Variants in PLXNC1 observed in about 807,000 individuals in gnomAD.
PLXNC1 encodes plexin C1, also known as plexin-C1.
A neutral mutation model predicts 178.2 loss-of-function variants in PLXNC1; 75 were observed. The ratio of observed to expected loss-of-function variants is 0.42; its 90% CI spans 0.35 to 0.51. The LOEUF (loss-of-function observed/expected upper bound fraction) is 0.51, where lower values mean the gene tolerates loss of function less well. Among genes scored for constraint, PLXNC1 ranks in the 20% least tolerant of loss-of-function variants. The pLI is 0.02. For missense variants in PLXNC1, 1,503 were observed against 1,984.4 expected, an observed-to-expected ratio of 0.76 and a Z score of 4.61; for synonymous variants, 790 against 779.9, an observed-to-expected ratio of 1.01 and a Z score of -0.22.
At chr12:94,153,025 C>T (rs529526039) in intron 1 of PLXNC1, among the ~76,000 whole-genome samples, 42 of 152,360 alleles carry the variant, frequency 2.8e-4, no homozygotes, top group Non-Finnish European at 4.1e-4. Flanking sequence ...TTTCTGTAGA[C>T]CCTCTCTCTA....
chr12:94,288,505 C>A (rs1331896710), intron 23 of PLXNC1, among the ~76,000 whole-genome samples: 3 of 152,192 alleles, frequency 2.0e-5, no homozygotes, highest in Non-Finnish European at 4.4e-5. Flanking sequence ...TTCAAGTAAA[C>A]AAGAGAGAAG....
intron 2 of PLXNC1, among the ~76,000 whole-genome samples, chr12:94,177,502 A>G (rs1962140294): frequency 6.6e-6 from 1 of 150,678 alleles, no homozygotes; most frequent in Non-Finnish European, 1.5e-5. Flanking sequence ...AGAAAGAAAA[A>G]CAAAGAAAGA....
chr12:94,190,851 A>G (rs2135974776), intron 4 of PLXNC1, among the ~76,000 whole-genome samples: 1 of 152,326 alleles, frequency 6.6e-6, no homozygotes, highest in South Asian at 2.1e-4. Context: ...CTGTTTCCTC[A>G]GTCTAGTACA....
At chr12:94,171,401 A>T (rs942371567) in intron 2 of PLXNC1, among the ~76,000 whole-genome samples, 1 of 152,176 alleles carries the variant, frequency 6.6e-6, no homozygotes, top group African/African-American at 2.4e-5. Flanking sequence ...TGCTTCCTAG[A>T]TGCCAAGGGA....
At chr12:94,274,736 C>G (rs1965812123) in intron 21 of PLXNC1, among the ~76,000 whole-genome samples, 1 of 152,208 alleles carries the variant, frequency 6.6e-6, no homozygotes, top group Non-Finnish European at 1.5e-5. Context: ...GGCAGGATCA[C>G]CGAGTGTTTA....
At chr12:94,263,571 C>G (rs1965063422) in intron 20 of PLXNC1, among the ~76,000 whole-genome samples, 1 of 151,856 alleles carries the variant, frequency 6.6e-6, no homozygotes, top group Non-Finnish European at 1.5e-5. Flanking sequence ...CTGATCTGTG[C>G]TGGAGGAAAA....
At chr12:94,277,775 T>C (rs1966087106) in intron 21 of PLXNC1, 1 of 363,408 alleles carries the variant, frequency 2.8e-6, no homozygotes, top group Admixed American at 3.6e-5. Context: ...ACAGGTTTTA[T>C]TGCCGATACT....
At chr12:94,156,425 A>G (rs1592716728) in intron 1 of PLXNC1, among the ~76,000 whole-genome samples, 1 of 142,984 alleles carries the variant, frequency 7.0e-6, no homozygotes, top group Admixed American at 7.0e-5. Flanking sequence ...TCAAACATCT[A>G]CTCCCTCCCA....
intron 5 of PLXNC1, among the ~76,000 whole-genome samples, chr12:94,218,219 A>G (rs964565129): frequency 1.3e-5 from 2 of 152,192 alleles, no homozygotes; most frequent in South Asian, 4.1e-4. Context: ...TTCCCTAAAG[A>G]TAATTGAACT....
Position 94,260,720 on chromosome 12 carries a change from C to T in PLXNC1, c.3330C>T (p.Thr1110=). 6.2e-7 allele frequency: 1 copy of T among 1,614,116 alleles called. No individual in the cohort carries two copies. Among genetic ancestry groups the T allele is most frequent in the South Asian group, 1.1e-5 (1 of 91,076 alleles). The part of the protein sequence containing the change: ...VYLTSILEVL[T]RDLMEQCSNM... ...TGACCAGCATCCTAGAGGTGCTGAC[C>T]AGGGACTTGATGGAACAGTGTAGTA... Residue 1110 remains threonine, a synonymous_variant, in exon 20 of 31, where the codon ACC becomes ACT. Coordinates refer to ENST00000258526, the MANE Select transcript of PLXNC1 (RefSeq NM_005761.3). This position sits in a 1 kb window ranked among gnomAD's most constrained non-coding sequence, Gnocchi z 4.4.
chr12:94,151,117 G>A (rs1960946717), intron 1 of PLXNC1, among the ~76,000 whole-genome samples: 1 of 152,168 alleles, frequency 6.6e-6, no homozygotes, highest in African/African-American at 2.4e-5. Flanking sequence ...TCAAAGCGCA[G>A]AAATTAACGG....
intron 20 of PLXNC1, among the ~76,000 whole-genome samples, chr12:94,263,620 G>C (rs891605784): frequency 6.6e-6 from 1 of 152,152 alleles, no homozygotes; most frequent in African/African-American, 2.4e-5. Context: ...TACTTGGGGT[G>C]GGGGAGGTGG....
At chr12:94,195,650 A>G (rs1047054503) in intron 4 of PLXNC1, among the ~76,000 whole-genome samples, 3 of 152,086 alleles carry the variant, frequency 2.0e-5, no homozygotes, top group African/African-American at 7.2e-5. Context: ...ATTTTTCTAC[A>G]TGTTTCTTCC....
At chr12:94,244,575 CT>C (rs1250255692) in intron 12 of PLXNC1, among the ~76,000 whole-genome samples, 6 of 152,186 alleles carry the variant, frequency 3.9e-5, no homozygotes, top group Non-Finnish European at 4.4e-5. Flanking sequence ...TGGTTTCCAC[CT>C]TTGCCCGATT....
At chr12:94,277,874 G>A (rs971083297) in intron 21 of PLXNC1, 19 of 451,464 alleles carry the variant, frequency 4.2e-5, no homozygotes, top group East Asian at 7.0e-5. Flanking sequence ...CTAGAAGGCC[G>A]GTACTGTTAT....
intron 4 of PLXNC1, among the ~76,000 whole-genome samples, chr12:94,195,338 C>G (rs1009240340): frequency 3.3e-5 from 5 of 152,118 alleles, no homozygotes; most frequent in African/African-American, 1.2e-4. Context: ...CGTCCTGAGT[C>G]AGTTACTTGG....
chr12:94,233,452 G>C (rs544578945), intron 9 of PLXNC1, among the ~76,000 whole-genome samples: 16 of 152,346 alleles, frequency 1.1e-4, no homozygotes, highest in Admixed American at 3.9e-4. Context: ...AATGCCAAGA[G>C]GAATAGCAGG....
At chr12:94,257,431 C>G (rs2136077417) in intron 17 of PLXNC1, among the ~76,000 whole-genome samples, 1 of 152,240 alleles carries the variant, frequency 6.6e-6, no homozygotes. Flanking sequence ...AGGATCTAAG[C>G]TGAAGAAAAG....
intron 21 of PLXNC1, chr12:94,277,949 T>C (rs1649974603): frequency 4.4e-6 from 2 of 455,928 alleles, no homozygotes; most frequent in South Asian, 3.1e-5. Context: ...TGTGTTTTCA[T>C]CTCTCCCCTG....
Sources: gnomAD v4.1 joint callset for allele counts (sites outside exome capture counted in the v4.1 genomes callset) on GRCh38, gnomAD v4.1.1 for gene constraint, Gnocchi (gnomAD v3.1) non-coding constraint, MANE v1.5 for transcripts, NCBI Gene and HGNC (gene_info 2026-07-23, HGNC 2026-07-21) for gene names.